The following FSTL1 variants were observed in gnomAD, a reference collection of about 807,000 sequenced individuals.
The protein encoded by FSTL1 is follistatin-related protein 1.
FSTL1 carries 24 observed loss-of-function variants against 45.9 expected under a neutral mutation model. That is an observed-to-expected ratio of 0.52 (90% CI 0.38 to 0.74). The LOEUF is 0.74. FSTL1 is among the 30% of genes least tolerant of loss of function. The pLI is 0.00. For missense variants in FSTL1, 340 were observed against 381.8 expected, an observed-to-expected ratio of 0.89 and a Z score of 0.91; for synonymous variants, 120 against 137.6, an observed-to-expected ratio of 0.87 and a Z score of 0.89.
intron 6 of FSTL1, among the ~76,000 whole-genome samples, chr3:120,405,277 C>T (rs1023118184): frequency 4.6e-5 from 7 of 152,188 alleles, no homozygotes; most frequent in East Asian, 3.9e-4. Flanking sequence ...TTTGACTATA[C>T]CTTTGGGTTC....
rs934094642 is a variant in FSTL1, at chr3:120,393,014, T to G, written c.*3938A>C. On this transcript the variant is annotated 3_prime_UTR_variant, in exon 11 of 11. Transcript: ENST00000295633. ...TTGCACTTCCTGAATACATACATAC[T>G]ATAACAGCAGAAAAAGTTTTCCCAG... The G allele has an allele frequency of 1.3e-5, 2 of 152,194 alleles. No homozygotes were observed. The highest frequency in any genetic ancestry group is 2.4e-5 in the African/African-American group (1 of 41,456). The allele number at this position is 152,194 out of a possible 1,614,324, so 9.4% of individuals were successfully genotyped here.
chr3:120,440,672 CTT>C (rs1182391285), intron 2 of FSTL1, among the ~76,000 whole-genome samples: 2 of 152,218 alleles, frequency 1.3e-5, no homozygotes, highest in African/African-American at 4.8e-5. Context: ...TTGTTTTCCT[CTT>C]TTGAGTTGAC....
At chr3:120,448,800 G>A (rs994553046) in intron 2 of FSTL1, among the ~76,000 whole-genome samples, 13 of 152,206 alleles carry the variant, frequency 8.5e-5, no homozygotes, top group African/African-American at 3.1e-4. Context: ...CTGTGTGGAA[G>A]GGGGTTGGGA....
At chr3:120,444,508 C>T (rs902023066) in intron 2 of FSTL1, among the ~76,000 whole-genome samples, 1 of 149,568 alleles carries the variant, frequency 6.7e-6, no homozygotes, top group Non-Finnish European at 1.5e-5. Flanking sequence ...ACCACCCCAC[C>T]TTTTTCTCCT....
chr3:120,405,963 T>C (rs747512715), intron 6 of FSTL1, among the ~76,000 whole-genome samples: 1 of 152,078 alleles, frequency 6.6e-6, no homozygotes, highest in Non-Finnish European at 1.5e-5. Flanking sequence ...AGCTTCCCCA[T>C]GTTACTTTCA....
intron 2 of FSTL1, among the ~76,000 whole-genome samples, chr3:120,450,442 C>G (rs748741241): frequency 1.3e-5 from 2 of 152,190 alleles, no homozygotes; most frequent in Middle Eastern, 3.2e-3. Flanking sequence ...TCCTCCTCCC[C>G]GCTCTCCCTC....
intron 3 of FSTL1, among the ~76,000 whole-genome samples, chr3:120,413,788 TCTCCCCCTCCCC>T (rs142100623): frequency 1.1e-3 from 1 of 932 alleles, no homozygotes; most frequent in Non-Finnish European, 1.7e-3. Context: ...TCCCTCTCCC[TCTCCCCCTCCCC>T]CTCCCTCTCC....
intron 2 of FSTL1, chr3:120,441,525 A>G (rs1390967965): frequency 1.3e-5 from 2 of 152,260 alleles, no homozygotes; most frequent in Admixed American, 6.5e-5. Flanking sequence ...GCATCCACTG[A>G]AGTAAATATC....
intron 2 of FSTL1, among the ~76,000 whole-genome samples, chr3:120,444,101 G>C (rs139265048): frequency 6.7e-6 from 1 of 149,866 alleles, no homozygotes; most frequent in Non-Finnish European, 1.5e-5. Flanking sequence ...CATCCAAAGA[G>C]CTTAGAAACT....
chr3:120,402,997 A>C (rs1576207564), intron 8 of FSTL1, 79 bp from the exon 9 acceptor site: 6 of 959,186 alleles, frequency 6.3e-6, no homozygotes, highest in Admixed American at 1.7e-5. Context: ...TGTGCACCTT[A>C]CCCTTTTTTC....
intron 2 of FSTL1, among the ~76,000 whole-genome samples, chr3:120,442,093 T>C (rs1937634987): frequency 6.6e-6 from 1 of 152,224 alleles, no homozygotes; most frequent in Admixed American, 6.5e-5. Context: ...GGTGAAATCA[T>C]TACAGAGTCA....
At chr3:120,438,708 T>C (rs1450872266) in intron 2 of FSTL1, among the ~76,000 whole-genome samples, 2 of 152,174 alleles carry the variant, frequency 1.3e-5, no homozygotes, top group Non-Finnish European at 2.9e-5. Context: ...ACCCCCATAT[T>C]TGGCAGATGA....
At chr3:120,406,240 G>A (rs1936946649) in intron 6 of FSTL1, among the ~76,000 whole-genome samples, 1 of 152,106 alleles carries the variant, frequency 6.6e-6, no homozygotes, top group Admixed American at 6.5e-5. Context: ...AAACTTCCCT[G>A]TTTACCTTGT....
In FSTL1 at chr3:120,450,968, C is replaced by G; in HGVS notation, c.-72G>C. 1 of 460,716 alleles carries G rather than the reference C, an allele frequency of 2.2e-6. No homozygotes were observed. Among genetic ancestry groups the G allele is most frequent in the East Asian group, 3.6e-5 (1 of 28,150 alleles). The allele number at this position is 460,716 out of a possible 1,614,324, so 28.5% of individuals were successfully genotyped here. A position where few individuals can be genotyped will look rare whatever the true frequency, so the allele number is the denominator to read the frequency against. ...AGCGAGCTGTAAGCGGAGGTGGGAG[C>G]TCCGCCGATCGCCAGCCTCGGAGGA... On this transcript the variant is annotated 5_prime_UTR_variant, in exon 1 of 11. Coordinates refer to ENST00000295633, the MANE Select transcript of FSTL1 (RefSeq NM_007085.5).
chr3:120,418,408 CCTA>C (rs1937223109), intron 2 of FSTL1, among the ~76,000 whole-genome samples: 1 of 152,150 alleles, frequency 6.6e-6, no homozygotes, highest in African/African-American at 2.4e-5. Context: ...TATCCGGCAT[CCTA>C]CTATTTTTAT....
intron 4 of FSTL1, chr3:120,411,398 G>A (rs1453552707): frequency 5.1e-6 from 1 of 194,804 alleles, no homozygotes; most frequent in Admixed American, 5.3e-5. Flanking sequence ...TATCTAATTA[G>A]CAACAAGTGT....
chr3:120,414,776 CA>C (rs758570920), intron 3 of FSTL1, among the ~76,000 whole-genome samples: 1 of 151,866 alleles, frequency 6.6e-6, no homozygotes, highest in Non-Finnish European at 1.5e-5. Context: ...CTTTGTTAAA[CA>C]GACGCTTGAA....
chr3:120,444,922 C>A (rs1031066556), intron 2 of FSTL1, among the ~76,000 whole-genome samples: 2 of 149,830 alleles, frequency 1.3e-5, no homozygotes, highest in Admixed American at 1.3e-4. Context: ...GCACATACAG[C>A]TGTTCCATGA....
chr3:120,450,567 A>C (rs979295319), intron 2 of FSTL1, 117 bp downstream of exon 2: 1 of 602,344 alleles, frequency 1.7e-6, no homozygotes, highest in Non-Finnish European at 2.7e-6. Flanking sequence ...CACCCCAAGG[A>C]CCGAAACTCC....
Sources: allele counts gnomAD v4.1 joint callset (sites outside exome capture counted in the v4.1 genomes callset), GRCh38; gene constraint gnomAD v4.1.1; transcripts MANE v1.5; gene names NCBI Gene and HGNC (gene_info 2026-07-23, HGNC 2026-07-21).